The following PALM variants were observed in gnomAD, a reference collection of about 807,000 sequenced individuals.
PALM encodes the protein paralemmin-1.
PALM carries 18 observed loss-of-function variants against 30.7 expected under a neutral mutation model. That is an observed-to-expected ratio of 0.59 (90% confidence interval 0.41 to 0.87). The LOEUF is 0.87. PALM is among the 40% of genes least tolerant of loss of function. The pLI, the probability that PALM is intolerant of heterozygous loss-of-function variation, is 0.00. For missense variants in PALM, 529 were observed against 555.4 expected (o/e 0.95, Z 0.48); for synonymous variants, 286 against 242.8 (o/e 1.18, Z -1.66).
intron 5 of PALM, among the ~76,000 whole-genome samples, chr19:733,721 C>T (rs545918507): frequency 1.1e-4 from 16 of 152,312 alleles, no homozygotes; most frequent in African/African-American, 3.6e-4. Context: ...GACGTGGTGG[C>T]TCAGCCTGTA....
At chr19:711,858 G>A (rs973388753) in intron 1 of PALM, among the ~76,000 whole-genome samples, 1 of 152,086 alleles carries the variant, frequency 6.6e-6, no homozygotes, top group Non-Finnish European at 1.5e-5. Flanking sequence ...GGGCTCAAGC[G>A]ACTTCCCTGC....
rs940928525 is a variant in PALM at position 742,674 on chromosome 19, C to T, written c.634+2191C>T. On this transcript the variant is annotated intron_variant, in intron 8 of 8. Coordinates refer to ENST00000338448, the MANE Select transcript of PALM (RefSeq NM_002579.3). This position sits in a 1 kb window ranked among gnomAD's most constrained non-coding sequence, Gnocchi z 5.5. ...ACTGCACGTGGCCTTCTGTGTCTGG[C>T]GTCTCTCACTGGGCGTGACGTCCCC... Among the ~76,000 whole-genome samples, 1 of 152,016 alleles carries T rather than the reference C, an allele frequency of 6.6e-6. No homozygotes were observed. Among genetic ancestry groups the T allele is most frequent in the African/African-American group, 2.4e-5 (1 of 41,396 alleles).
chr19:739,862 G>T (rs900513756), intron 7 of PALM, among the ~76,000 whole-genome samples: 1 of 152,200 alleles, frequency 6.6e-6, no homozygotes, highest in Non-Finnish European at 1.5e-5. Flanking sequence ...TGTAGTCCCA[G>T]CTACGTGGAA....
chr19:745,625 G>A (rs1486774724), intron 8 of PALM, among the ~76,000 whole-genome samples: 1 of 150,508 alleles, frequency 6.6e-6, no homozygotes, highest in Admixed American at 6.7e-5. Context: ...AACTAGGGAG[G>A]CGGAGGTTGC....
intron 1 of PALM, among the ~76,000 whole-genome samples, chr19:722,148 G>T (rs1350974923): frequency 1.3e-5 from 2 of 150,952 alleles, no homozygotes; most frequent in East Asian, 3.9e-4. Context: ...TCGATCTCCT[G>T]ACCTCGTGAT....
chr19:726,330 T>G, intron 2 of PALM, 141 bp downstream of exon 2: 1 of 665,146 alleles, frequency 1.5e-6, no homozygotes, highest in Non-Finnish European at 2.6e-6. Flanking sequence ...ACTTGGATCC[T>G]GCTGACCCGC....
chr19:713,119 C>T (rs1599132696), intron 1 of PALM, among the ~76,000 whole-genome samples: 1 of 152,152 alleles, frequency 6.6e-6, no homozygotes, highest in Admixed American at 6.6e-5. Context: ...CTCTCTAAGC[C>T]GCCGGGGACA....
chr19:717,458 C>T (rs919887815), intron 1 of PALM, among the ~76,000 whole-genome samples: 2 of 152,102 alleles, frequency 1.3e-5, no homozygotes, highest in Admixed American at 1.3e-4. Context: ...AAGGTGCATC[C>T]GCGCCGTGGC....
At chr19:726,868 G>A (rs946460671) in intron 2 of PALM, 140 bp from the exon 3 acceptor site, 91 of 623,412 alleles carry the variant, frequency 1.5e-4, no homozygotes, top group Admixed American at 2.1e-4. Flanking sequence ...GGTGCGATCC[G>A]CTGTCACCTG....
In PALM at chr19:728,800, G is replaced by A. The variant is rs886372711; in HGVS notation, c.269+1106G>A. ...GGGTGAATCACGAGGTCAGGAGATC[G>A]AGACCATCCTGGCTAACACAGTGAA... On this transcript the variant is annotated intron_variant, in intron 4 of 8. Transcript: ENST00000338448. 9.2e-5 allele frequency among the ~76,000 whole-genome samples: 14 copies of A among 151,998 alleles called. No individual in the cohort carries two copies. The South Asian group carries it at 1.9e-3, about 20-fold the overall frequency.
chr19:721,221 G>T (rs536089416), intron 1 of PALM, among the ~76,000 whole-genome samples: 1 of 152,138 alleles, frequency 6.6e-6, no homozygotes, highest in Non-Finnish European at 1.5e-5. Context: ...TGGGAGCCAG[G>T]GAGCCTCTAG....
chr19:724,022 C>T (rs2032581229), intron 1 of PALM, among the ~76,000 whole-genome samples: 1 of 151,036 alleles, frequency 6.6e-6, no homozygotes, highest in Non-Finnish European at 1.5e-5. Context: ...AGCGAGAAAG[C>T]AGTGGGGTGG....
At chr19:717,496 G>A (rs576801636) in intron 1 of PALM, among the ~76,000 whole-genome samples, 1 of 152,114 alleles carries the variant, frequency 6.6e-6, no homozygotes, top group Non-Finnish European at 1.5e-5. Flanking sequence ...TCCTGTTCAC[G>A]GCTGAGTCAT....
rs1224956031 is a variant in PALM, at chr19:742,350, A to G, written c.634+1867A>G. 6.6e-6 allele frequency among the ~76,000 whole-genome samples: 1 copy of G among 152,096 alleles called. No individual in the cohort carries two copies. On this transcript the variant is annotated intron_variant, in intron 8 of 8. Coordinates refer to ENST00000338448, the MANE Select transcript of PALM (RefSeq NM_002579.3). This position sits in a 1 kb window ranked among gnomAD's most constrained non-coding sequence, Gnocchi z 5.5. ...CCGGGTGCGGTGGCTCACACCTGTA[A>G]TCCCGGCACTTTGGGAGGCCGAGGC...
chr19:715,035 A>G (rs1412849492), intron 1 of PALM, among the ~76,000 whole-genome samples: 3 of 152,148 alleles, frequency 2.0e-5, no homozygotes, highest in Non-Finnish European at 4.4e-5. Context: ...AGGCCGAGGC[A>G]GGAGGATCAC....
intron 7 of PALM, among the ~76,000 whole-genome samples, chr19:736,606 C>T (rs2033032010): frequency 6.6e-6 from 1 of 152,180 alleles, no homozygotes. Context: ...GCTCGAACCC[C>T]TGGTCTGCCG....
chr19:718,319 G>C lies in PALM; in HGVS notation c.6-7819G>C, dbSNP rs914641847. Among the ~76,000 whole-genome samples the C allele has an allele frequency of 3.5e-4, 53 of 152,354 alleles. 2 individuals are homozygous for C. The highest frequency in any genetic ancestry group is 6.8e-3 in the Middle Eastern group (2 of 292). On this transcript the variant is annotated intron_variant, in intron 1 of 8. Transcript: ENST00000338448. Reference sequence around the variant, plus strand: ...CAGAAAGGCCTTGGGCCTGAGGCCCGGGGAGGTCTGGGTGACCGTGCACCA... The same window carrying C: ...CAGAAAGGCCTTGGGCCTGAGGCCCCGGGAGGTCTGGGTGACCGTGCACCA...
chr19:741,252 T>TC (rs954183655), intron 8 of PALM, among the ~76,000 whole-genome samples: 5 of 151,948 alleles, frequency 3.3e-5, no homozygotes, highest in African/African-American at 1.2e-4. Flanking sequence ...GGGGGAGGCT[T>TC]CCCAGAGGAG....
intron 8 of PALM, among the ~76,000 whole-genome samples, chr19:745,377 G>A (rs987018103): frequency 2.4e-4 from 37 of 152,096 alleles, no homozygotes; most frequent in South Asian, 4.1e-4. Context: ...GGGTGATCAC[G>A]TGGGAGCTAG....
Sources: gnomAD v4.1 joint callset for allele counts (sites outside exome capture counted in the v4.1 genomes callset) on GRCh38, gnomAD v4.1.1 for gene constraint, Gnocchi (gnomAD v3.1) non-coding constraint, MANE v1.5 for transcripts, NCBI Gene and HGNC (gene_info 2026-07-23, HGNC 2026-07-21) for gene names.